The following ADRA1B variants were observed in gnomAD, a reference collection of about 807,000 sequenced individuals.
The protein encoded by ADRA1B is alpha-1B adrenergic receptor.
In ADRA1B, 17 loss-of-function variants were observed where a neutral mutation model predicts 17.9. The ratio of observed to expected loss-of-function variants is 0.95; its 90% confidence interval spans 0.65 to 1.42. ADRA1B has a LOEUF of 1.42. ADRA1B is among the 40% of genes most tolerant of loss of function. ADRA1B has a pLI of 0.00. For missense variants in ADRA1B, 681 were observed against 722.1 expected (o/e 0.94, Z 0.65); for synonymous variants, 366 against 327.6 (o/e 1.12, Z -1.27).
At position 159,909,408 on chromosome 5, in the gene ADRA1B, C is replaced by CA. The variant is rs1470733698; in HGVS notation, c.-255-6709dup. ...TCCAGATACAATTTTTGGATGACCC[C>CA]AAGGAAAAGGTTCCCACCACTTCCT... is the stretch of plus-strand genomic sequence containing the variant. On this transcript the variant is annotated intron_variant, in intron 1 of 2. Coordinates refer to the ADRA1B transcript ENST00000641205. 2.0e-5 allele frequency among the ~76,000 whole-genome samples: 3 copies of CA among 152,294 alleles called. No individual in the cohort carries two copies. In the East Asian group the frequency reaches 5.8e-4, roughly 29 times the overall value.
At chr5:159,923,667 T>C (rs1267960026) in intron 1 of ADRA1B, among the ~76,000 whole-genome samples, 1 of 152,228 alleles carries the variant, frequency 6.6e-6, no homozygotes. Context: ...AGACAGAATG[T>C]CCAACCCAAA....
At chr5:159,971,795 T>C in intron 1 of ADRA1B, 84 bp from the exon 2 acceptor site, 1 of 1,289,048 alleles carries the variant, frequency 7.8e-7, no homozygotes. Flanking sequence ...TTGACAATGT[T>C]GAGGAGAAGC....
intron 1 of ADRA1B, among the ~76,000 whole-genome samples, chr5:159,907,957 A>ACACACACC (rs1754180640): frequency 6.9e-6 from 1 of 145,306 alleles, no homozygotes; most frequent in African/African-American, 2.5e-5. Context: ...TCTCTCTGTC[A>ACACACACC]CACACACACA....
chr5:159,873,982 C>T (rs549097779), intron 1 of ADRA1B, among the ~76,000 whole-genome samples: 7 of 152,128 alleles, frequency 4.6e-5, no homozygotes, highest in Non-Finnish European at 1.5e-5. Context: ...ATGCAGAGGG[C>T]AGAAAATGTC....
At chr5:159,934,756 C>G (rs999387219) in intron 1 of ADRA1B, among the ~76,000 whole-genome samples, 1 of 150,062 alleles carries the variant, frequency 6.7e-6, no homozygotes, top group Non-Finnish European at 1.5e-5. Context: ...GTGGAGGTTG[C>G]AGTAAGCGCC....
intron 1 of ADRA1B, among the ~76,000 whole-genome samples, chr5:159,957,737 A>G (rs943233286): frequency 6.6e-6 from 1 of 151,694 alleles, no homozygotes; most frequent in African/African-American, 2.4e-5. Flanking sequence ...GGAGTTCGAG[A>G]CAAGCCTGGT....
chr5:159,957,949 AAAAGAAAAGAAAAAAG>A (rs1256305428), intron 1 of ADRA1B, among the ~76,000 whole-genome samples: 45 of 128,974 alleles, frequency 3.5e-4, no homozygotes, highest in Non-Finnish European at 6.8e-4. Context: ...AAAAAAAAAA[AAAAGAAAAGAAAAAAG>A]AAAAGAAAAG....
At chr5:159,904,463 G>A (rs1296048424) in intron 1 of ADRA1B, among the ~76,000 whole-genome samples, 1 of 152,174 alleles carries the variant, frequency 6.6e-6, no homozygotes, top group Non-Finnish European at 1.5e-5. Context: ...ATGCAAATGG[G>A]TACATTTGTG....
chr5:159,942,267 G>A (rs1755156921), intron 1 of ADRA1B, among the ~76,000 whole-genome samples: 1 of 152,156 alleles, frequency 6.6e-6, no homozygotes, highest in Non-Finnish European at 1.5e-5. Context: ...CCTGTAATTA[G>A]ATAGTGGGGT....
rs537565372 is a variant in ADRA1B, at chr5:159,962,201, G to GA, written c.950-9672dup. Among the ~76,000 whole-genome samples the GA allele has an allele frequency of 1.8e-3, 269 of 152,086 alleles. 1 individual carries two copies. The highest frequency in any genetic ancestry group is 5.6e-3 in the African/African-American group (231 of 41,490). On this transcript the variant is annotated intron_variant, in intron 1 of 1. Coordinates refer to ENST00000306675, the MANE Select transcript of ADRA1B (RefSeq NM_000679.4). ...CAACAGAGTGAGACCCTGTCTCAAA[G>GA]AAAAAAGAATATGTAAAGAATAAAA...
At chr5:159,962,811 A>G (rs1581068910) in intron 1 of ADRA1B, among the ~76,000 whole-genome samples, 1 of 133,602 alleles carries the variant, frequency 7.5e-6, no homozygotes, top group Non-Finnish European at 1.5e-5. Flanking sequence ...GCTGGTCCAC[A>G]GGTGTGGGGG....
At chr5:159,980,364 G>T in the ADRA1B span, among the ~76,000 whole-genome samples, 7,420 of 152,242 alleles carry the variant, frequency 0.049, 295 homozygotes, top group Middle Eastern at 0.18. Flanking sequence ...CACATAGCTA[G>T]TGTGAGGGAG....
At chr5:159,976,615 A>G (rs1408540599), downstream of ADRA1B, among the ~76,000 whole-genome samples, 1 of 151,896 alleles carries the variant, frequency 6.6e-6, no homozygotes, top group Non-Finnish European at 1.5e-5. Context: ...GCAGTGAGCC[A>G]AGATAACTCC....
intron 1 of ADRA1B, among the ~76,000 whole-genome samples, chr5:159,946,205 C>A (rs2113247114): frequency 6.6e-6 from 1 of 152,300 alleles, no homozygotes; most frequent in East Asian, 1.9e-4. Flanking sequence ...AAAATCTAGA[C>A]CATCCAGGAA....
chr5:159,936,431 C>T (rs1754956623), intron 1 of ADRA1B, among the ~76,000 whole-genome samples: 1 of 152,154 alleles, frequency 6.6e-6, no homozygotes, highest in East Asian at 1.9e-4. Context: ...CAGTGAGTTG[C>T]ACCTTCTTGA....
chr5:159,894,760 TCA>T (rs1362057815), intron 1 of ADRA1B, among the ~76,000 whole-genome samples: 1 of 152,190 alleles, frequency 6.6e-6, no homozygotes, highest in Non-Finnish European at 1.5e-5. Flanking sequence ...GCAGGGCCCC[TCA>T]CACGCATTCT....
chr5:159,912,026 A>G (rs1178079031), upstream of ADRA1B, among the ~76,000 whole-genome samples: 1 of 152,160 alleles, frequency 6.6e-6, no homozygotes, highest in Non-Finnish European at 1.5e-5. Flanking sequence ...CTACCTCATA[A>G]TGTTATCATT....
chr5:159,984,934 T>C, the ADRA1B span, among the ~76,000 whole-genome samples: 602 of 149,998 alleles, frequency 4.0e-3, 9 homozygotes, highest in Non-Finnish European at 2.1e-3. Flanking sequence ...GAAAAGTAAA[T>C]GAGACTATGC....
At chr5:159,980,016 C>T in the ADRA1B span, among the ~76,000 whole-genome samples, 1 of 151,802 alleles carries the variant, frequency 6.6e-6, no homozygotes, top group Non-Finnish European at 1.5e-5. Flanking sequence ...TGTAAGCGGA[C>T]CATCGTGTGT....
Sources: allele counts gnomAD v4.1 joint callset (sites outside exome capture counted in the v4.1 genomes callset), GRCh38; gene constraint gnomAD v4.1.1; transcripts MANE v1.5; gene names NCBI Gene and HGNC (gene_info 2026-07-23, HGNC 2026-07-21).